Variants in PTH2R observed in about 807,000 individuals in gnomAD.
PTH2R encodes the protein parathyroid hormone 2 receptor, also known as PTH2 receptor.
In PTH2R, 59 loss-of-function variants were observed where a neutral mutation model predicts 60.3. The observed-to-expected ratio is 0.98, with a 90% CI of 0.79 to 1.22. PTH2R has a LOEUF of 1.22. Ranked by LOEUF, PTH2R falls within the 50% of genes most tolerant of loss-of-function variation. The probability of loss-of-function intolerance (pLI) is 0.00; values close to 1 mark genes in which losing one functional copy is unlikely to be tolerated. For synonymous variants in PTH2R, 256 were observed against 243.8 expected, an observed-to-expected ratio of 1.05 and a Z score of -0.47; for missense variants, 749 against 682.6, an observed-to-expected ratio of 1.10 and a Z score of -1.08.
At chr2:208,386,423 C>T (rs954268098) in intron 1 of PTH2R, among the ~76,000 whole-genome samples, 2 of 152,126 alleles carry the variant, frequency 1.3e-5, no homozygotes, top group African/African-American at 4.8e-5. Flanking sequence ...TGTGTCAATA[C>T]CTAATTGAGT....
intron 1 of PTH2R, among the ~76,000 whole-genome samples, chr2:208,417,810 G>T (rs906083149): frequency 2.6e-5 from 4 of 152,062 alleles, no homozygotes; most frequent in African/African-American, 9.7e-5. Flanking sequence ...AGGAGTAACT[G>T]TGCAAGTCAG....
At chr2:208,370,768 C>T (rs1336128947) in intron 1 of PTH2R, among the ~76,000 whole-genome samples, 1 of 151,876 alleles carries the variant, frequency 6.6e-6, no homozygotes, top group African/African-American at 2.4e-5. Context: ...CAATTTATAC[C>T]CACCTGTGTT....
intron 8 of PTH2R, among the ~76,000 whole-genome samples, chr2:208,453,025 T>G (rs1428073393): frequency 6.6e-6 from 1 of 152,186 alleles, no homozygotes; most frequent in Non-Finnish European, 1.5e-5. Context: ...AGCTTCTCAC[T>G]CTTCAGTTGA....
At chr2:208,365,929 A>AATATATATATATATAT (rs1224025157) in intron 1 of PTH2R, among the ~76,000 whole-genome samples, 40 of 43,734 alleles carry the variant, frequency 9.1e-4, no homozygotes, top group South Asian at 2.2e-3. Flanking sequence ...ATAATAGATA[A>AATATATATATATATAT]ATATATATAT....
At chr2:208,437,911 T>G (rs1301305284) in intron 4 of PTH2R, 30 bp downstream of exon 4, 2 of 1,597,832 alleles carry the variant, frequency 1.3e-6, no homozygotes, top group Non-Finnish European at 1.7e-6. Flanking sequence ...TGTGAATTCC[T>G]AAGGGAAAGC....
At chr2:208,470,868 T>C (rs1041501704) in intron 9 of PTH2R, among the ~76,000 whole-genome samples, 6 of 152,148 alleles carry the variant, frequency 3.9e-5, no homozygotes, top group Non-Finnish European at 7.4e-5. Context: ...GTTGAATGGC[T>C]TTGACCAAAA....
At chr2:208,389,269 A>ACACACACAC (rs1701063655) in intron 1 of PTH2R, among the ~76,000 whole-genome samples, 1 of 130,980 alleles carries the variant, frequency 7.6e-6, no homozygotes, top group African/African-American at 3.0e-5. Flanking sequence ...CACACACACA[A>ACACACACAC]TCTATTGAGG....
intron 1 of PTH2R, chr2:208,361,265 T>C (rs530342412): frequency 9.4e-4 from 145 of 154,144 alleles, no homozygotes; most frequent in Non-Finnish European, 1.8e-3. Flanking sequence ...CTTGGCCCAC[T>C]TGGCCCCACT....
chr2:208,463,836 G>T lies in PTH2R; in HGVS notation c.981+3875G>T, dbSNP rs550525106. ...CAGACCTGAGGGGACTCCCAGGGAT[G>T]ATCTGGCTTCCCAGACTCCACGATC... is the stretch of plus-strand genomic sequence containing the variant. On this transcript the variant is annotated intron_variant, in intron 9 of 12. Coordinates refer to ENST00000272847, the MANE Select transcript of PTH2R (RefSeq NM_005048.4). 2.0e-5 allele frequency among the ~76,000 whole-genome samples: 3 copies of T among 152,344 alleles called. No homozygotes were observed. In the South Asian group the frequency reaches 6.2e-4, roughly 32 times the overall value.
intron 5 of PTH2R, 42 bp downstream of exon 5, chr2:208,442,503 T>C: frequency 1.4e-6 from 2 of 1,432,300 alleles, no homozygotes; most frequent in Non-Finnish European, 2.0e-6. Flanking sequence ...GGGCACATTG[T>C]CTTTCCTATC....
At chr2:208,455,474 T>C (rs552316067) in intron 8 of PTH2R, among the ~76,000 whole-genome samples, 1 of 152,196 alleles carries the variant, frequency 6.6e-6, no homozygotes, top group South Asian at 2.1e-4. Context: ...TGCAAAATAT[T>C]CCACTTTCTT....
intron 9 of PTH2R, among the ~76,000 whole-genome samples, chr2:208,479,928 A>G (rs182532006): frequency 1.3e-5 from 2 of 152,362 alleles, no homozygotes; most frequent in Non-Finnish European, 2.9e-5. Context: ...GGCAGCTATT[A>G]TCGGCCTGGA....
At chr2:208,435,271 G>T (rs1702051656) in intron 2 of PTH2R, among the ~76,000 whole-genome samples, 1 of 152,168 alleles carries the variant, frequency 6.6e-6, no homozygotes, top group South Asian at 2.1e-4. Flanking sequence ...GAGCTATAAT[G>T]GGTAGTACTT....
chr2:208,405,968 A>G (rs1401229384), upstream of PTH2R, among the ~76,000 whole-genome samples: 1 of 152,246 alleles, frequency 6.6e-6, no homozygotes, highest in Admixed American at 6.5e-5. Context: ...ACTGTGAGAA[A>G]TAAATCTCTG....
chr2:208,379,640 AC>A (rs36056829), intron 1 of PTH2R, among the ~76,000 whole-genome samples: 65,925 of 151,712 alleles, frequency 0.43, 16,101 homozygotes, highest in Admixed American at 0.54. Context: ...TGGGCGGATC[AC>A]TTGAGGTCAG....
chr2:208,426,353 C>T (rs1237308587), intron 1 of PTH2R, among the ~76,000 whole-genome samples: 1 of 152,150 alleles, frequency 6.6e-6, no homozygotes, highest in Non-Finnish European at 1.5e-5. Flanking sequence ...TTTTGGAGAA[C>T]TAGACATTGA....
At position 208,408,740 on chromosome 2, in the gene PTH2R, A is replaced by AGAG. The variant is rs1553542827; in HGVS notation, c.75+1622_75+1623insGAG. Among the ~76,000 whole-genome samples, 52 of 123,356 alleles carry AGAG rather than the reference A, an allele frequency of 4.2e-4. 1 individual carries two copies. Among genetic ancestry groups the AGAG allele is most frequent in the East Asian group, 3.3e-3 (15 of 4,576 alleles). The allele number at this position is 123,356 out of a possible 152,430, so 80.9% of individuals were successfully genotyped here. ...GAAAGGAAAGAGAGAGAGAGAGAGA[A>AGAG]AGAGAGAGAGAGAGAGAGAGAGAGA... On this transcript the variant is annotated intron_variant, in intron 1 of 12. Transcript: ENST00000272847.
chr2:208,493,673 G>C lies in PTH2R; in HGVS notation c.*14G>C. 1 of 1,531,734 alleles carries C rather than the reference G, an allele frequency of 6.5e-7. No homozygotes were observed. The highest frequency in any genetic ancestry group is 2.3e-5 in the East Asian group (1 of 43,776). 94.9% of individuals were successfully genotyped at this position (1,531,734 alleles called of 1,614,324 possible). A position where few individuals can be genotyped will look rare whatever the true frequency, so the allele number is the denominator to read the frequency against. ...GATGTTCTCTGAATGGACATTTGTG[G>C]CTGACTTTCATGGGCTGGTCCAATG... On this transcript the variant is annotated 3_prime_UTR_variant, in exon 13 of 13. Transcript: ENST00000272847.
At chr2:208,480,658 ACAGAGTGAATCCC>A (rs1160684260) in intron 9 of PTH2R, among the ~76,000 whole-genome samples, 2 of 152,206 alleles carry the variant, frequency 1.3e-5, no homozygotes, top group African/African-American at 2.4e-5. Flanking sequence ...TACATCATAG[ACAGAGTGAATCCC>A]CAAAATAGCT....
Sources: allele counts gnomAD v4.1 joint callset (sites outside exome capture counted in the v4.1 genomes callset), GRCh38; gene constraint gnomAD v4.1.1; transcripts MANE v1.5; gene names NCBI Gene and HGNC (gene_info 2026-07-23, HGNC 2026-07-21).